OSBP2: variants seen among roughly 807,000 people sequenced by gnomAD.
OSBP2 encodes the protein oxysterol binding protein 2, also known as oxysterol-binding protein 2.
OSBP2 carries 66 observed loss-of-function variants against 96.0 expected under a neutral mutation model. The ratio of observed to expected loss-of-function variants is 0.69; its 90% CI spans 0.56 to 0.84. The LOEUF (loss-of-function observed/expected upper bound fraction) is 0.84. Ranked by LOEUF, OSBP2 falls within the 40% of genes least tolerant of loss-of-function variation. OSBP2 has a pLI of 0.00. For missense variants in OSBP2, 1,038 were observed against 1,222.7 expected, an observed-to-expected ratio of 0.85 and a Z score of 2.25; for synonymous variants, 525 against 520.9, an observed-to-expected ratio of 1.01 and a Z score of -0.11.
At chr22:30,729,099 C>T (rs1316550079) in intron 1 of OSBP2, among the ~76,000 whole-genome samples, 1 of 152,096 alleles carries the variant, frequency 6.6e-6, no homozygotes, top group Non-Finnish European at 1.5e-5. Flanking sequence ...TGTTTATCAG[C>T]CATTTGGGTA....
chr22:30,708,363 T>C (rs1057091598), intron 1 of OSBP2, among the ~76,000 whole-genome samples: 9 of 152,114 alleles, frequency 5.9e-5, no homozygotes, highest in Admixed American at 4.6e-4. Flanking sequence ...TCAACAATTA[T>C]TAACTTCTAG....
chr22:30,834,326 T>A (rs1393727856), intron 2 of OSBP2, among the ~76,000 whole-genome samples: 1 of 152,234 alleles, frequency 6.6e-6, no homozygotes, highest in Non-Finnish European at 1.5e-5. Context: ...CATAAACTTT[T>A]GTGTGGATGT....
chr22:30,724,683 G>T (rs1414223484), intron 1 of OSBP2, among the ~76,000 whole-genome samples: 3 of 152,244 alleles, frequency 2.0e-5, no homozygotes, highest in Non-Finnish European at 4.4e-5. Context: ...ACACCCGTTT[G>T]CAGGGTTTTG....
At chr22:30,747,941 G>T (rs1179689473) in intron 2 of OSBP2, among the ~76,000 whole-genome samples, 1 of 152,046 alleles carries the variant, frequency 6.6e-6, no homozygotes, top group Non-Finnish European at 1.5e-5. Context: ...GAGTGCAGTG[G>T]TATGATCTTG....
intron 1 of OSBP2, among the ~76,000 whole-genome samples, chr22:30,733,239 AGAG>A (rs2089805909): frequency 6.6e-6 from 1 of 152,126 alleles, no homozygotes; most frequent in Non-Finnish European, 1.5e-5. Context: ...GGGAGGCAAA[AGAG>A]GAAGGAAAGC....
chr22:30,791,164 G>A (rs1352915072), intron 2 of OSBP2, among the ~76,000 whole-genome samples: 3 of 151,248 alleles, frequency 2.0e-5, no homozygotes, highest in African/African-American at 4.9e-5. Flanking sequence ...TAGAAGAGAC[G>A]GGGTTTCACC....
At chr22:30,888,361 C>G in intron 5 of OSBP2, 21 bp downstream of exon 5, 1 of 1,415,722 alleles carries the variant, frequency 7.1e-7, no homozygotes, top group South Asian at 1.2e-5. Context: ...TGCAGCTGGG[C>G]AGAGCCTCCC....
chr22:30,721,621 G>A (rs1471750684), intron 1 of OSBP2, among the ~76,000 whole-genome samples: 4 of 152,130 alleles, frequency 2.6e-5, no homozygotes, highest in Non-Finnish European at 5.9e-5. Context: ...GATGGGAGTC[G>A]CTTTTACATA....
chr22:30,861,159 T>C (rs1235765041), intron 2 of OSBP2, among the ~76,000 whole-genome samples: 6 of 152,122 alleles, frequency 3.9e-5, no homozygotes, highest in Non-Finnish European at 7.3e-5. Context: ...TGGGAAGTGA[T>C]TTCCCCTGAG....
chr22:30,844,975 G>GGA (rs2038839356), intron 2 of OSBP2, among the ~76,000 whole-genome samples: 1 of 152,206 alleles, frequency 6.6e-6, no homozygotes, highest in Admixed American at 6.5e-5. Context: ...GGCTCAAGAA[G>GGA]GAGAGAGATG....
At chr22:30,790,521 G>A (rs919855243) in intron 2 of OSBP2, among the ~76,000 whole-genome samples, 4 of 151,948 alleles carry the variant, frequency 2.6e-5, no homozygotes, top group Admixed American at 2.0e-4. Context: ...GTGTGTGTGC[G>A]CACACACATG....
intron 3 of OSBP2, among the ~76,000 whole-genome samples, chr22:30,875,837 A>C (rs1282824331): frequency 6.6e-6 from 1 of 152,262 alleles, no homozygotes; most frequent in Non-Finnish European, 1.5e-5. Flanking sequence ...ATTTGACATC[A>C]GACCTTAGCA....
chr22:30,831,201 C>A (rs1049882134), intron 2 of OSBP2, among the ~76,000 whole-genome samples: 2 of 152,210 alleles, frequency 1.3e-5, no homozygotes, highest in African/African-American at 4.8e-5. Context: ...CGGGTGTGGA[C>A]AACACCTTGC....
At chr22:30,745,434 C>T (rs1188668558) in intron 2 of OSBP2, among the ~76,000 whole-genome samples, 1 of 151,906 alleles carries the variant, frequency 6.6e-6, no homozygotes, top group South Asian at 2.1e-4. Context: ...CCAAGGTGGG[C>T]AGATCACCTG....
chr22:30,779,084 T>C (rs777026053), intron 2 of OSBP2, among the ~76,000 whole-genome samples: 2 of 151,530 alleles, frequency 1.3e-5, no homozygotes, highest in Non-Finnish European at 2.9e-5. Context: ...TTTTTTGGTG[T>C]ATATATATAC....
chr22:30,744,436 T>C (rs1363065753), intron 2 of OSBP2, among the ~76,000 whole-genome samples: 2 of 152,098 alleles, frequency 1.3e-5, no homozygotes, highest in African/African-American at 2.4e-5. Flanking sequence ...CCCTGTCTCA[T>C]CCTGCTGGAA....
intron 1 of OSBP2, among the ~76,000 whole-genome samples, chr22:30,707,387 G>A (rs1016281928): frequency 2.0e-5 from 3 of 152,052 alleles, no homozygotes; most frequent in African/African-American, 7.2e-5. Context: ...GTGAGCCACC[G>A]TGCCCGGCCT....
intron 1 of OSBP2, among the ~76,000 whole-genome samples, chr22:30,709,910 T>C (rs1414662400): frequency 2.7e-5 from 4 of 149,516 alleles, no homozygotes; most frequent in Admixed American, 6.7e-5. Flanking sequence ...TGAAATGGAG[T>C]CTTGCTTTGT....
intron 1 of OSBP2, among the ~76,000 whole-genome samples, chr22:30,706,119 G>A (rs537146522): frequency 1.3e-5 from 2 of 152,164 alleles, no homozygotes; most frequent in Non-Finnish European, 2.9e-5. Context: ...ATGCTGACAC[G>A]TGGAGAGAGG....
Sources: gnomAD v4.1 joint callset for allele counts (sites outside exome capture counted in the v4.1 genomes callset) on GRCh38, gnomAD v4.1.1 for gene constraint, MANE v1.5 for transcripts, NCBI Gene and HGNC (gene_info 2026-07-23, HGNC 2026-07-21) for gene names.